Variants in SH3RF3 observed in about 807,000 individuals in gnomAD.
The protein encoded by SH3RF3 is E3 ubiquitin-protein ligase SH3RF3.
SH3RF3 carries 29 observed loss-of-function variants against 66.3 expected under a neutral mutation model. The observed-to-expected ratio is 0.44, with a 90% confidence interval of 0.33 to 0.60. SH3RF3 has a LOEUF of 0.60. Ranked by LOEUF, SH3RF3 falls within the 20% of genes least tolerant of loss-of-function variation. The pLI is 0.04. For missense variants in SH3RF3, 1,194 were observed against 1,190.9 expected (o/e 1.00, Z -0.04); for synonymous variants, 583 against 532.0 (o/e 1.10, Z -1.32).
At chr2:109,245,323 C>G (rs1172334741) in intron 1 of SH3RF3, among the ~76,000 whole-genome samples, 1 of 152,056 alleles carries the variant, frequency 6.6e-6, no homozygotes, top group Non-Finnish European at 1.5e-5. Context: ...TGGTCATTCC[C>G]TCTGTCCCCA....
chr2:109,487,099 A>T (rs1247254325), intron 8 of SH3RF3, among the ~76,000 whole-genome samples: 3 of 152,190 alleles, frequency 2.0e-5, no homozygotes, highest in Non-Finnish European at 4.4e-5. Flanking sequence ...CGTAACAGGG[A>T]TGCCAAATCC....
intron 8 of SH3RF3, among the ~76,000 whole-genome samples, chr2:109,463,199 C>T (rs953330250): frequency 6.6e-6 from 1 of 152,226 alleles, no homozygotes; most frequent in African/African-American, 2.4e-5. Flanking sequence ...GTTTACACAG[C>T]TCAAGTAAGA....
chr2:109,157,071 G>C (rs1677363685), intron 1 of SH3RF3, among the ~76,000 whole-genome samples: 1 of 152,098 alleles, frequency 6.6e-6, no homozygotes, highest in Non-Finnish European at 1.5e-5. Flanking sequence ...GGCTCTCCTT[G>C]GTAAACACAG....
intron 1 of SH3RF3, among the ~76,000 whole-genome samples, chr2:109,182,937 C>T (rs929599928): frequency 1.3e-5 from 2 of 152,128 alleles, no homozygotes; most frequent in African/African-American, 4.8e-5. Flanking sequence ...TCCCATGAAT[C>T]TTTGACATTG....
chr2:109,451,231 G>T (rs988820885), intron 8 of SH3RF3, among the ~76,000 whole-genome samples: 1 of 152,240 alleles, frequency 6.6e-6, no homozygotes, highest in African/African-American at 2.4e-5. Context: ...TCTGTGTTTT[G>T]TGTGTCTGTT....
chr2:109,148,547 G>T (rs1677151565), intron 1 of SH3RF3, among the ~76,000 whole-genome samples: 2 of 152,220 alleles, frequency 1.3e-5, no homozygotes, highest in African/African-American at 4.8e-5. Context: ...TATTACTGCT[G>T]ACTGGTGCCA....
Position 109,130,066 on chromosome 2 carries a change from G to A in SH3RF3, c.526G>A (p.Gly176Ser). Reference sequence around the variant, plus strand: ...CTCCGCGGCCGCGGGCAGCACCGCCGGCAGTCTGCGGGAGCTGGCGACCAG... The same window carrying A: ...CTCCGCGGCCGCGGGCAGCACCGCCAGCAGTCTGCGGGAGCTGGCGACCAG... The part of the protein sequence containing the change: ...FLSAAAGSTA[G>S]SLRELATSRT... Residue 176 changes from glycine to serine, a missense_variant, in exon 1 of 10, where the codon GGC becomes AGC. Transcript: ENST00000309415. The A allele has an allele frequency of 7.3e-7, 1 of 1,368,000 alleles. No homozygotes were observed. The allele number at this position is 1,368,000 out of a possible 1,614,324, so 84.7% of individuals were successfully genotyped here.
At chr2:109,191,124 A>G (rs1678344805) in intron 1 of SH3RF3, among the ~76,000 whole-genome samples, 1 of 152,134 alleles carries the variant, frequency 6.6e-6, no homozygotes, top group African/African-American at 2.4e-5. Context: ...AGAGATCCAG[A>G]GGGACAGATT....
chr2:109,449,588 G>A (rs1040746617), intron 8 of SH3RF3, 99 bp downstream of exon 8: 8 of 1,422,476 alleles, frequency 5.6e-6, no homozygotes, highest in Non-Finnish European at 7.5e-6. Flanking sequence ...ATTGAAGCTA[G>A]AATGTGGGCT....
rs762630492 is a variant in SH3RF3 at position 109,347,966 on chromosome 2, G to C, written c.849+17G>C. 6.3e-7 allele frequency: 1 copy of C among 1,583,636 alleles called. No individual in the cohort carries two copies. The highest frequency in any genetic ancestry group is 8.6e-7 in the Non-Finnish European group (1 of 1,165,380). On this transcript the variant is annotated intron_variant, in intron 2 of 9. Coordinates refer to ENST00000309415, the MANE Select transcript of SH3RF3 (RefSeq NM_001099289.3). Reference sequence around the variant, plus strand: ...TTCACCAAGGTAAGGTGAGCCCCGGGGTGGGCCCCGCCAGCCCATGCAGCC... The same window carrying C: ...TTCACCAAGGTAAGGTGAGCCCCGGCGTGGGCCCCGCCAGCCCATGCAGCC...
chr2:109,421,811 A>G (rs1296128026), intron 5 of SH3RF3, among the ~76,000 whole-genome samples: 1 of 152,226 alleles, frequency 6.6e-6, no homozygotes, highest in African/African-American at 2.4e-5. Flanking sequence ...GAGCTGGATC[A>G]TGGTCAGCAT....
chr2:109,196,629 G>A (rs1678507197), intron 1 of SH3RF3, among the ~76,000 whole-genome samples: 1 of 152,198 alleles, frequency 6.6e-6, no homozygotes, highest in Non-Finnish European at 1.5e-5. Context: ...CTGCTGCGCT[G>A]TGGTTGCGGC....
At chr2:109,484,439 T>G (rs1325503278) in intron 8 of SH3RF3, among the ~76,000 whole-genome samples, 1 of 151,996 alleles carries the variant, frequency 6.6e-6, no homozygotes. Flanking sequence ...GCACCTGCTT[T>G]TTGCTAGATT....
chr2:109,408,643 A>C (rs747750866), intron 4 of SH3RF3, among the ~76,000 whole-genome samples: 8 of 152,232 alleles, frequency 5.3e-5, no homozygotes, highest in Non-Finnish European at 1.2e-4. Context: ...AATGCCCCGC[A>C]CTGGCACTCT....
intron 3 of SH3RF3, among the ~76,000 whole-genome samples, chr2:109,377,664 AG>A (rs1040236731): frequency 1.3e-5 from 2 of 152,190 alleles, no homozygotes; most frequent in Non-Finnish European, 2.9e-5. Flanking sequence ...CCAGAAAAAT[AG>A]CAGGAGTTCC....
At chr2:109,431,243 C>G (rs1027795246) in intron 5 of SH3RF3, among the ~76,000 whole-genome samples, 1 of 152,174 alleles carries the variant, frequency 6.6e-6, no homozygotes. Flanking sequence ...GGTCAGCATC[C>G]CCACCCAGCA....
At chr2:109,372,766 C>T (rs957806648) in intron 3 of SH3RF3, among the ~76,000 whole-genome samples, 2 of 152,156 alleles carry the variant, frequency 1.3e-5, no homozygotes, top group African/African-American at 4.8e-5. Context: ...GTTTACTCAG[C>T]TCAGTGCTGG....
chr2:109,402,892 C>T (rs1307203635), intron 4 of SH3RF3, among the ~76,000 whole-genome samples: 1 of 152,140 alleles, frequency 6.6e-6, no homozygotes, highest in Non-Finnish European at 1.5e-5. Flanking sequence ...TAGAAAGGTC[C>T]AAACAGCAGG....
rs549853460 is a variant in SH3RF3 at position 109,250,427 on chromosome 2, A to G, written c.574-97247A>G. On this transcript the variant is annotated intron_variant, in intron 1 of 9. Transcript: ENST00000309415. ...TACAACTTCGTTTCTTCATGAAACA[A>G]TCATCATAATAAATTTTGATATACT... Among the ~76,000 whole-genome samples, 6 of 152,234 alleles carry G rather than the reference A, an allele frequency of 3.9e-5. No individual in the cohort carries two copies. The South Asian group carries it at 1.2e-3, about 32-fold the overall frequency.
Sources: allele counts gnomAD v4.1 joint callset (sites outside exome capture counted in the v4.1 genomes callset), GRCh38; gene constraint gnomAD v4.1.1; transcripts MANE v1.5; gene names NCBI Gene and HGNC (gene_info 2026-07-23, HGNC 2026-07-21).